Variants in ALG9 observed in about 807,000 individuals in gnomAD.
ALG9 encodes ALG9 alpha-1,2-mannosyltransferase.
ALG9 carries 55 observed loss-of-function variants against 81.8 expected under a neutral mutation model. The observed-to-expected ratio is 0.67, with a 90% CI of 0.54 to 0.84. ALG9 has a LOEUF of 0.84. Among genes scored for constraint, ALG9 ranks in the 40% least tolerant of loss-of-function variants. The probability of loss-of-function intolerance (pLI) is 0.00; values close to 1 mark genes in which losing one functional copy is unlikely to be tolerated. For synonymous variants in ALG9, 278 were observed against 274.3 expected, an observed-to-expected ratio of 1.01 and a Z score of -0.13; for missense variants, 629 against 745.0, an observed-to-expected ratio of 0.84 and a Z score of 1.81.
Position 111,786,044 on chromosome 11 carries a change from A to G in ALG9, c.*353T>C, listed in dbSNP as rs1946422744. The G allele has an allele frequency of 4.4e-6, 2 of 458,698 alleles. No homozygotes were observed. Among genetic ancestry groups the G allele is most frequent in the Non-Finnish European group, 8.8e-6 (2 of 228,456 alleles). The allele number at this position is 458,698 out of a possible 1,614,324, so 28.4% of individuals were successfully genotyped here. On this transcript the variant is annotated 3_prime_UTR_variant, in exon 15 of 15. Coordinates refer to ENST00000616540, the MANE Select transcript of ALG9 (RefSeq NM_024740.2). ...GGAGAACAGCTTATCACAGCCATCC[A>G]GTACCAGGATTTTCAATTCTTCCTG...
intron 14 of ALG9, among the ~76,000 whole-genome samples, chr11:111,804,631 C>T (rs1160901903): frequency 6.6e-6 from 1 of 152,120 alleles, no homozygotes; most frequent in Non-Finnish European, 1.5e-5. Flanking sequence ...AATGAACAAC[C>T]GGATTAAAAA....
chr11:111,868,514 T>C, intron 3 of ALG9, 88 bp downstream of exon 3: 2 of 1,490,050 alleles, frequency 1.3e-6, no homozygotes, highest in Non-Finnish European at 1.8e-6. Context: ...CCTTTTAACT[T>C]CCAATTCATT....
Position 111,868,785 on chromosome 11 carries a change from C to G in ALG9, c.271-49G>C, listed in dbSNP as rs782812934. 9 of 1,503,960 alleles carry G rather than the reference C, an allele frequency of 6.0e-6. No homozygotes were observed. In the Admixed American group the frequency reaches 1.7e-4, roughly 29 times the overall value. The allele number at this position is 1,503,960 out of a possible 1,614,324, so 93.2% of individuals were successfully genotyped here. A position where few individuals can be genotyped will look rare whatever the true frequency, so the allele number is the denominator to read the frequency against. On this transcript the variant is annotated intron_variant, in intron 2 of 14. Coordinates refer to ENST00000616540, the MANE Select transcript of ALG9 (RefSeq NM_024740.2). ...TCAGGGTTATACTGGCCAAAAATCTCTGTTAAGCAGATGCAAGTGAAGTTT... is the reference window on the plus strand; with the variant it reads ...TCAGGGTTATACTGGCCAAAAATCTGTGTTAAGCAGATGCAAGTGAAGTTT...
intron 14 of ALG9, among the ~76,000 whole-genome samples, chr11:111,789,726 A>G (rs576758987): frequency 1.3e-3 from 202 of 151,672 alleles, no homozygotes; most frequent in African/African-American, 4.4e-3. Flanking sequence ...ACGCTGAGGT[A>G]GGAGAATTGC....
rs145612535 is a variant in ALG9, at chr11:111,785,472, A to G, written c.*925T>C. ...TAAAAAATAGGTGCTATAAATATAC[A>G]CTGATCCTTTTCACTGGGGGTGGTT... On this transcript the variant is annotated 3_prime_UTR_variant, in exon 15 of 15. Transcript: ENST00000616540. 2 of 154,280 alleles carry G rather than the reference A, an allele frequency of 1.3e-5. No individual in the cohort carries two copies. The highest frequency in any genetic ancestry group is 4.8e-5 in the African/African-American group (2 of 41,536). 9.6% of individuals were successfully genotyped at this position (154,280 alleles called of 1,614,324 possible).
chr11:111,780,912 G>A (rs943289454), downstream of ALG9, among the ~76,000 whole-genome samples: 3 of 152,114 alleles, frequency 2.0e-5, no homozygotes, highest in Middle Eastern at 3.2e-3. Flanking sequence ...AGACAGGGTC[G>A]CATGGTTTAT....
chr11:111,853,659 A>G lies in ALG9; in HGVS notation c.779T>C (p.Ile260Thr), dbSNP rs1592307048. 1 of 1,614,146 alleles carries G rather than the reference A, an allele frequency of 6.2e-7. No individual in the cohort carries two copies. The highest frequency in any genetic ancestry group is 8.5e-7 in the Non-Finnish European group (1 of 1,179,974). Residue 260 changes from isoleucine to threonine, a missense_variant, in exon 7 of 15, where the codon ATA (isoleucine) becomes ACA (threonine). By Grantham distance (89) the Ile-to-Thr change is moderately conservative. Around this residue, in one of 3 missense-constraint regions of ALG9, gnomAD observed 344 missense variants for 390.5 expected, o/e 0.88. Coordinates refer to ENST00000616540, the MANE Select transcript of ALG9 (RefSeq NM_024740.2). ...SFFHWSLMAL[I>T]LFLVPVVVID... is the part of the protein sequence containing the mutation. ...AAAAAGAAAACTCACCAGAAATAGTATGAGGGCCATCAGCGACCAATGAAA... is the reference window on the plus strand; with the variant it reads ...AAAAAGAAAACTCACCAGAAATAGTGTGAGGGCCATCAGCGACCAATGAAA...
intron 13 of ALG9, among the ~76,000 whole-genome samples, chr11:111,813,748 C>T (rs149872530): frequency 5.3e-5 from 8 of 152,024 alleles, no homozygotes; most frequent in African/African-American, 1.7e-4. Context: ...AGTGAAAATG[C>T]GTTCAACCTC....
chr11:111,792,170 C>T (rs1490368057), intron 14 of ALG9, among the ~76,000 whole-genome samples: 1 of 152,248 alleles, frequency 6.6e-6, no homozygotes, highest in Non-Finnish European at 1.5e-5. Context: ...TCTCTCAGTG[C>T]ACCTGTGTGT....
At chr11:111,832,419 G>A (rs1954530129) in intron 13 of ALG9, among the ~76,000 whole-genome samples, 1 of 152,028 alleles carries the variant, frequency 6.6e-6, no homozygotes, top group Non-Finnish European at 1.5e-5. Context: ...AGGACTACAG[G>A]CATGAGCCAC....
At chr11:111,837,905 G>A (rs1459215397) in intron 11 of ALG9, among the ~76,000 whole-genome samples, 1 of 151,800 alleles carries the variant, frequency 6.6e-6, no homozygotes, top group East Asian at 1.9e-4. Context: ...TAATATTATG[G>A]ATCCAAACAA....
chr11:111,821,325 C>T (rs1555103450), intron 13 of ALG9, among the ~76,000 whole-genome samples: 2 of 152,128 alleles, frequency 1.3e-5, no homozygotes, highest in African/African-American at 4.8e-5. Context: ...CCCAGTCAAA[C>T]ATCCTACTTG....
intron 12 of ALG9, 134 bp from the exon 13 acceptor site, chr11:111,836,428 C>A (rs782503370): frequency 8.6e-6 from 10 of 1,165,580 alleles, no homozygotes; most frequent in Non-Finnish European, 1.2e-5. Context: ...AAAACCTCAA[C>A]CAGGGAGCAC....
rs782671361 is a variant in ALG9 at position 111,857,674 on chromosome 11, T to C, written c.629A>G (p.Asp210Gly). 3.1e-6 allele frequency: 5 copies of C among 1,614,174 alleles called. No homozygotes were observed. ...TCCCAGCACAGCAATGGAAGTCTTG[T>C]CCATATACCATCCAGTCATGGCTAT... Reference protein sequence around the residue: ...TLIAMTGWYMDKTSIAVLGVA... With the variant: ...TLIAMTGWYMGKTSIAVLGVA... Residue 210 changes from aspartate to glycine, a missense_variant, in exon 6 of 15, where the codon GAC becomes GGC. Coordinates refer to ENST00000616540, the MANE Select transcript of ALG9 (RefSeq NM_024740.2).
intron 9 of ALG9, among the ~76,000 whole-genome samples, chr11:111,844,008 T>C (rs929780613): frequency 2.0e-5 from 3 of 152,206 alleles, no homozygotes; most frequent in African/African-American, 7.2e-5. Flanking sequence ...TGTTCTCTTC[T>C]GAGATTTTTT....
chr11:111,834,116 T>C (rs1443974115), intron 13 of ALG9, among the ~76,000 whole-genome samples: 4 of 152,364 alleles, frequency 2.6e-5, no homozygotes, highest in African/African-American at 9.6e-5. Context: ...AAAGATATGA[T>C]ATCAGAAATA....
At chr11:111,854,002 C>T (rs1205212652) in intron 6 of ALG9, among the ~76,000 whole-genome samples, 4 of 152,028 alleles carry the variant, frequency 2.6e-5, no homozygotes, top group Admixed American at 2.6e-4. Context: ...AATATATGTG[C>T]CCTACTGTCT....
intron 14 of ALG9, among the ~76,000 whole-genome samples, chr11:111,804,891 C>A (rs1949694623): frequency 1.3e-5 from 2 of 152,230 alleles, no homozygotes; most frequent in Admixed American, 6.5e-5. Context: ...CTTTGGAAGA[C>A]AATCTGGCAG....
chr11:111,796,368 A>G (rs1408417447), intron 14 of ALG9, among the ~76,000 whole-genome samples: 8 of 152,234 alleles, frequency 5.3e-5, no homozygotes, highest in Admixed American at 2.6e-4. Flanking sequence ...GCCAGCTAAA[A>G]GCAGTGGTGG....
Sources: gnomAD v4.1 joint callset for allele counts (sites outside exome capture counted in the v4.1 genomes callset) on GRCh38, gnomAD v4.1.1 for gene constraint, gnomAD v4.1.1 regional missense constraint, MANE v1.5 for transcripts, NCBI Gene and HGNC (gene_info 2026-07-23, HGNC 2026-07-21) for gene names.